Variants in PAX2 observed in about 807,000 individuals in gnomAD.
The protein encoded by PAX2 is paired box 2.
A neutral mutation model predicts 41.7 loss-of-function variants in PAX2; 9 were observed. The ratio of observed to expected loss-of-function variants is 0.22; its 90% CI spans 0.13 to 0.38. The LOEUF (loss-of-function observed/expected upper bound fraction) is 0.38. Ranked by LOEUF, PAX2 falls within the 10% of genes least tolerant of loss-of-function variation. The pLI is 1.00. For synonymous variants in PAX2, 221 were observed against 212.7 expected (o/e 1.04, Z -0.34); for missense variants, 418 against 531.6 (o/e 0.79, Z 2.10).
At chr10:100,808,439 G>T (rs1023893025) in intron 6 of PAX2, among the ~76,000 whole-genome samples, 2 of 152,144 alleles carry the variant, frequency 1.3e-5, no homozygotes, top group Non-Finnish European at 2.9e-5. Flanking sequence ...CCTGCTTTGT[G>T]CAGGCTCCCG....
upstream of PAX2, among the ~76,000 whole-genome samples, chr10:100,742,054 A>G (rs1160437432): frequency 6.6e-6 from 1 of 152,138 alleles, no homozygotes; most frequent in Non-Finnish European, 1.5e-5. Context: ...CGCCTTCCCA[A>G]GCTACTGGAG....
At chr10:100,739,099 G>A (rs866802369) in intron 1 of PAX2, among the ~76,000 whole-genome samples, 6 of 150,924 alleles carry the variant, frequency 4.0e-5, no homozygotes, top group African/African-American at 2.4e-5. Flanking sequence ...GCCCCGACCC[G>A]AGGCCCCAAG....
Position 100,750,646 on chromosome 10 carries a change from C to T in PAX2, c.213-48C>T. ...GCTCTGGAACCTGCAGCCCCCCTGC[C>T]CCGCCACAGTCCGCTTCTGGCTGAC... On this transcript the variant is annotated intron_variant, in intron 2 of 9. Coordinates refer to ENST00000355243, the MANE Select transcript of PAX2 (RefSeq NM_000278.5). The surrounding 1 kb of genome is among the most constrained non-coding windows in gnomAD (Gnocchi z 4.1). The T allele has an allele frequency of 6.5e-7, 1 of 1,543,930 alleles. No homozygotes were observed. Among genetic ancestry groups the T allele is most frequent in the Non-Finnish European group, 8.9e-7 (1 of 1,118,260 alleles).
At position 100,816,818 on chromosome 10, in the gene PAX2, C is replaced by T. The variant is rs186298130; in HGVS notation, c.919+7582C>T. 2.0e-4 allele frequency among the ~76,000 whole-genome samples: 30 copies of T among 152,304 alleles called. No homozygotes were observed. In the East Asian group the frequency reaches 2.1e-3, roughly 11 times the overall value. On this transcript the variant is annotated intron_variant, in intron 7 of 9. Coordinates refer to ENST00000355243, the MANE Select transcript of PAX2 (RefSeq NM_000278.5). ...CCCCTCTTCTCCCCAGTGGTGGTGG[C>T]GGCTGGGCTGGCAGGCAGGGAAGGA...
At chr10:100,821,037 C>G (rs1483379513) in intron 7 of PAX2, among the ~76,000 whole-genome samples, 1 of 152,232 alleles carries the variant, frequency 6.6e-6, no homozygotes, top group South Asian at 2.1e-4. Context: ...ATCTATAGTA[C>G]AGCAAGGCCC....
chr10:100,774,158 G>A (rs1039404087), intron 3 of PAX2, among the ~76,000 whole-genome samples: 8 of 152,166 alleles, frequency 5.3e-5, no homozygotes, highest in East Asian at 3.9e-4. Context: ...AAGGTGGAGC[G>A]CTTCTCTCTT....
In PAX2 at chr10:100,752,154, G is replaced by A. The variant is rs551900750; in HGVS notation, c.410+1263G>A. ...CTCGTGCTGTAATGTACTGCGAGGC[G>A]ACCCCAGAAATTATCCCAGTGTGTG... is the stretch of plus-strand genomic sequence containing the variant. On this transcript the variant is annotated intron_variant, in intron 3 of 9. Coordinates refer to ENST00000355243, the MANE Select transcript of PAX2 (RefSeq NM_000278.5). Among the ~76,000 whole-genome samples, 6 of 152,252 alleles carry A rather than the reference G, an allele frequency of 3.9e-5. No homozygotes were observed. The South Asian group carries it at 6.2e-4, about 16-fold the overall frequency.
chr10:100,805,563 C>T (rs890593046), intron 5 of PAX2, among the ~76,000 whole-genome samples: 10 of 152,172 alleles, frequency 6.6e-5, no homozygotes, highest in East Asian at 1.9e-4. Context: ...GGGCTGAGAA[C>T]GCCTGAGGAA....
chr10:100,810,279 G>A (rs529302214), intron 7 of PAX2, among the ~76,000 whole-genome samples: 3 of 152,172 alleles, frequency 2.0e-5, no homozygotes, highest in East Asian at 1.9e-4. Context: ...GTCTGAGTGC[G>A]GCTGCATTTG....
At chr10:100,769,805 G>A (rs999523576) in intron 3 of PAX2, among the ~76,000 whole-genome samples, 1 of 152,152 alleles carries the variant, frequency 6.6e-6, no homozygotes, top group South Asian at 2.1e-4. Flanking sequence ...GGGAAAGACA[G>A]TCGTGAGAAA....
chr10:100,750,687 G>A lies in PAX2; in HGVS notation c.213-7G>A, dbSNP rs374371889. ...TCTGGCTGACCCCGCCGGCTTTCCCGGCGCAGGTACTACGAGACCGGCAGC... is the reference window on the plus strand; with the variant it reads ...TCTGGCTGACCCCGCCGGCTTTCCCAGCGCAGGTACTACGAGACCGGCAGC... On this transcript the variant is annotated splice_region_variant and splice_polypyrimidine_tract_variant and intron_variant, in intron 2 of 9. Coordinates refer to ENST00000355243, the MANE Select transcript of PAX2 (RefSeq NM_000278.5). This position sits in a 1 kb window ranked among gnomAD's most constrained non-coding sequence, Gnocchi z 4.1. 17 of 1,613,724 alleles carry A rather than the reference G, an allele frequency of 1.1e-5. No homozygotes were observed. The highest frequency in any genetic ancestry group is 1.4e-5 in the Non-Finnish European group (16 of 1,179,836).
chr10:100,799,194 G>C (rs1847451990), intron 5 of PAX2, among the ~76,000 whole-genome samples: 1 of 151,798 alleles, frequency 6.6e-6, no homozygotes, highest in Non-Finnish European at 1.5e-5. Context: ...GAGCCCCACT[G>C]CTCCCCCAGC....
intron 3 of PAX2, among the ~76,000 whole-genome samples, chr10:100,752,318 GATAC>G (rs1476055536): frequency 6.6e-6 from 1 of 152,348 alleles, no homozygotes; most frequent in Admixed American, 6.5e-5. Flanking sequence ...TTGACATTCA[GATAC>G]CTTCCAAAGG....
intron 5 of PAX2, among the ~76,000 whole-genome samples, chr10:100,795,001 G>C (rs2133926942): frequency 6.6e-6 from 1 of 152,266 alleles, no homozygotes; most frequent in Admixed American, 6.5e-5. Flanking sequence ...TTGCAAAAGA[G>C]TTATTTTCCT....
At chr10:100,745,307 G>A (rs1845109864), upstream of PAX2, among the ~76,000 whole-genome samples, 1 of 144,594 alleles carries the variant, frequency 6.9e-6, no homozygotes, top group African/African-American at 2.6e-5. Context: ...CCCCTCCCCC[G>A]GTCCGCTCCC....
intron 5 of PAX2, 89 bp from the exon 6 acceptor site, chr10:100,806,341 G>A (rs184823657): frequency 6.6e-5 from 92 of 1,397,212 alleles, no homozygotes; most frequent in Admixed American, 2.5e-4. Context: ...TCCTGGGCCC[G>A]GAACCAGATG....
intron 5 of PAX2, among the ~76,000 whole-genome samples, chr10:100,783,172 C>T (rs769861184): frequency 2.0e-5 from 3 of 152,252 alleles, no homozygotes; most frequent in Non-Finnish European, 4.4e-5. Flanking sequence ...TGGTTGATCG[C>T]CTTCATTGTT....
In PAX2 at chr10:100,791,148, C is replaced by T. The variant is rs976018060; in HGVS notation, c.616+9783C>T. Reference sequence around the variant, plus strand: ...CTGCCCCCATGAAATGTCAGCATCCCCTCCCTCCCTGAGGCTCCGCCTGCC... The same window carrying T: ...CTGCCCCCATGAAATGTCAGCATCCTCTCCCTCCCTGAGGCTCCGCCTGCC... On this transcript the variant is annotated intron_variant, in intron 5 of 9. Coordinates refer to ENST00000355243, the MANE Select transcript of PAX2 (RefSeq NM_000278.5). This position sits in a 1 kb window ranked among gnomAD's most constrained non-coding sequence, Gnocchi z 4.5. Among the ~76,000 whole-genome samples the T allele has an allele frequency of 1.3e-5, 2 of 152,242 alleles. No individual in the cohort carries two copies. The highest frequency in any genetic ancestry group is 2.4e-5 in the African/African-American group (1 of 41,466).
chr10:100,772,532 G>C (rs1160691085), intron 3 of PAX2, among the ~76,000 whole-genome samples: 2 of 152,180 alleles, frequency 1.3e-5, no homozygotes, highest in Non-Finnish European at 2.9e-5. Flanking sequence ...AGGCCCCCAT[G>C]ACCATTCGTC....
Sources: gnomAD v4.1 joint callset for allele counts (sites outside exome capture counted in the v4.1 genomes callset) on GRCh38, gnomAD v4.1.1 for gene constraint, Gnocchi (gnomAD v3.1) non-coding constraint, MANE v1.5 for transcripts, NCBI Gene and HGNC (gene_info 2026-07-23, HGNC 2026-07-21) for gene names.